ALK: variants seen among roughly 807,000 people sequenced by gnomAD.
The protein encoded by ALK is ALK receptor tyrosine kinase.
Under a neutral mutation model 163.1 loss-of-function variants are expected in ALK, and 74 were observed. The ratio of observed to expected loss-of-function variants is 0.45; its 90% CI spans 0.38 to 0.55. The LOEUF (loss-of-function observed/expected upper bound fraction) is 0.55, where lower values mean the gene tolerates loss of function less well. Ranked by LOEUF, ALK falls within the 20% of genes least tolerant of loss-of-function variation. The pLI is 0.00. For synonymous variants in ALK, 960 were observed against 843.2 expected, an observed-to-expected ratio of 1.14 and a Z score of -2.40; for missense variants, 2,063 against 2,105.3, an observed-to-expected ratio of 0.98 and a Z score of 0.39.
intron 1 of ALK, among the ~76,000 whole-genome samples, chr2:29,894,953 A>C (rs1274011142): frequency 1.3e-5 from 2 of 152,098 alleles, no homozygotes; most frequent in African/African-American, 4.8e-5. Context: ...TTAACAATCA[A>C]TGGGAACCAT....
intron 11 of ALK, among the ~76,000 whole-genome samples, chr2:29,266,154 C>A (rs11127211): frequency 1 from 152,204 of 152,378 alleles, 76,015 homozygotes; most frequent in Non-Finnish European, 1. Context: ...CTTTTAAATT[C>A]TACGGATGAG....
At chr2:29,348,534 C>A (rs1288602755) in intron 5 of ALK, among the ~76,000 whole-genome samples, 1 of 152,182 alleles carries the variant, frequency 6.6e-6, no homozygotes, top group Non-Finnish European at 1.5e-5. Context: ...TACCAATTCA[C>A]AAGGTCAGTT....
Position 29,669,995 on chromosome 2 carries a change from T to C in ALK, c.952+24855A>G, listed in dbSNP as rs80087487. Among the ~76,000 whole-genome samples the C allele has an allele frequency of 5.3e-3, 809 of 152,242 alleles. 8 individuals are homozygous for C. The highest frequency in any genetic ancestry group is 0.018 in the African/African-American group (748 of 41,574). On this transcript the variant is annotated intron_variant, in intron 3 of 28. Coordinates refer to ENST00000389048, the MANE Select transcript of ALK (RefSeq NM_004304.5). ...TCTCAACAGGTTGCTGTAGCTATTA[T>C]TGTTTTTGACAGATTTGTCTTTTGG...
intron 1 of ALK, among the ~76,000 whole-genome samples, chr2:29,874,436 C>G (rs1666654096): frequency 6.6e-6 from 1 of 152,178 alleles, no homozygotes; most frequent in South Asian, 2.1e-4. Flanking sequence ...GAGAAGAACT[C>G]AGACAACATG....
chr2:29,537,720 G>T (rs573353081), intron 3 of ALK, among the ~76,000 whole-genome samples: 2 of 152,338 alleles, frequency 1.3e-5, no homozygotes, highest in East Asian at 3.9e-4. Flanking sequence ...GACACTGGCA[G>T]CTTGAAGCCT....
chr2:29,232,592 G>C (rs1379385627), intron 14 of ALK, 144 bp from the exon 15 acceptor site: 1 of 1,111,312 alleles, frequency 9.0e-7, no homozygotes. Context: ...GTGGTTTGCG[G>C]GCTCTGAACC....
At chr2:29,623,896 C>A (rs1176493757) in intron 3 of ALK, among the ~76,000 whole-genome samples, 1 of 152,148 alleles carries the variant, frequency 6.6e-6, no homozygotes, top group Non-Finnish European at 1.5e-5. Flanking sequence ...ATTTGTAAAG[C>A]ATGTTTACAA....
intron 9 of ALK, among the ~76,000 whole-genome samples, chr2:29,288,503 A>G (rs567389419): frequency 6.6e-6 from 1 of 152,288 alleles, no homozygotes; most frequent in African/African-American, 2.4e-5. Context: ...CAGGGTCTTC[A>G]GGTGGCCCAG....
At chr2:29,594,898 G>T (rs1310689386) in intron 3 of ALK, among the ~76,000 whole-genome samples, 2 of 92,378 alleles carry the variant, frequency 2.2e-5, no homozygotes, top group Non-Finnish European at 4.5e-5. Context: ...CAAAAATGGG[G>T]GGTGGGGGGC....
chr2:29,515,722 C>T (rs1672643214), intron 4 of ALK, among the ~76,000 whole-genome samples: 1 of 152,070 alleles, frequency 6.6e-6, no homozygotes, highest in Non-Finnish European at 1.5e-5. Flanking sequence ...ACATTACTCT[C>T]ATCAAAATCA....
chr2:29,444,879 T>C (rs1211967532), intron 4 of ALK, among the ~76,000 whole-genome samples: 1 of 152,198 alleles, frequency 6.6e-6, no homozygotes, highest in African/African-American at 2.4e-5. Flanking sequence ...GTCCTGCCCA[T>C]GCCTGTCCAC....
At chr2:29,599,108 G>C (rs1308283716) in intron 3 of ALK, among the ~76,000 whole-genome samples, 1 of 151,626 alleles carries the variant, frequency 6.6e-6, no homozygotes, top group Non-Finnish European at 1.5e-5. Flanking sequence ...CTCTGAGGTA[G>C]CTTAAGAAAC....
intron 22 of ALK, 122 bp downstream of exon 22, chr2:29,222,222 A>G: frequency 3.5e-6 from 3 of 868,760 alleles, no homozygotes; most frequent in Non-Finnish European, 5.7e-6. Flanking sequence ...CTCCTACTGG[A>G]GAAAAGGGGA....
At chr2:29,832,909 G>A (rs1665457654) in intron 1 of ALK, among the ~76,000 whole-genome samples, 1 of 152,226 alleles carries the variant, frequency 6.6e-6, no homozygotes, top group African/African-American at 2.4e-5. Flanking sequence ...CTTGCTTCCT[G>A]AGAAGGCGGC....
At chr2:29,861,845 C>A (rs1183285560) in intron 1 of ALK, among the ~76,000 whole-genome samples, 7 of 152,086 alleles carry the variant, frequency 4.6e-5, no homozygotes, top group African/African-American at 1.7e-4. Flanking sequence ...AAATTGCAAG[C>A]CAATATCCTT....
At chr2:29,755,425 A>G (rs962902452) in intron 1 of ALK, among the ~76,000 whole-genome samples, 1 of 152,210 alleles carries the variant, frequency 6.6e-6, no homozygotes, top group African/African-American at 2.4e-5. Context: ...TTAGGGGAAG[A>G]ATTCTCCACG....
At chr2:29,616,869 T>C (rs1473336321) in intron 3 of ALK, among the ~76,000 whole-genome samples, 1 of 152,194 alleles carries the variant, frequency 6.6e-6, no homozygotes, top group Admixed American at 6.5e-5. Flanking sequence ...AAATTCTACC[T>C]CATTTTAATG....
intron 1 of ALK, among the ~76,000 whole-genome samples, chr2:29,791,854 G>C (rs766488793): frequency 6.6e-6 from 1 of 152,056 alleles, no homozygotes; most frequent in Admixed American, 6.5e-5. Context: ...TATAATTTGA[G>C]GGAATTTGAA....
At chr2:29,560,856 G>A (rs915215576) in intron 3 of ALK, among the ~76,000 whole-genome samples, 2 of 151,856 alleles carry the variant, frequency 1.3e-5, no homozygotes, top group African/African-American at 4.8e-5. Flanking sequence ...ACAAGCATGA[G>A]CCACGGCACC....
Sources: gnomAD v4.1 joint callset for allele counts (sites outside exome capture counted in the v4.1 genomes callset) on GRCh38, gnomAD v4.1.1 for gene constraint, MANE v1.5 for transcripts, NCBI Gene and HGNC (gene_info 2026-07-23, HGNC 2026-07-21) for gene names.